Variants in NEDD4L observed in about 807,000 individuals in gnomAD.
NEDD4L encodes NEDD4 like E3 ubiquitin protein ligase, also known as E3 ubiquitin-protein ligase NEDD4-like.
In NEDD4L, 54 loss-of-function variants were observed where a neutral mutation model predicts 148.9. The observed-to-expected ratio is 0.36, with a 90% CI of 0.29 to 0.45. The LOEUF (loss-of-function observed/expected upper bound fraction) is 0.45. NEDD4L is among the 20% of genes least tolerant of loss of function. NEDD4L has a pLI of 1.00. For missense variants in NEDD4L, 856 were observed against 1,233.8 expected, an observed-to-expected ratio of 0.69 and a Z score of 4.59; for synonymous variants, 433 against 440.7, an observed-to-expected ratio of 0.98 and a Z score of 0.22.
chr18:58,312,613 A>G (rs532376861), intron 5 of NEDD4L, among the ~76,000 whole-genome samples: 18 of 152,256 alleles, frequency 1.2e-4, no homozygotes, highest in African/African-American at 3.9e-4. Flanking sequence ...CTGTGGCATA[A>G]AGGCACCAGG....
At chr18:58,342,412 C>G (rs2042550903) in intron 15 of NEDD4L, among the ~76,000 whole-genome samples, 1 of 152,200 alleles carries the variant, frequency 6.6e-6, no homozygotes, top group Admixed American at 6.5e-5. Context: ...GTGGGCTTCT[C>G]CACGCCCTGG....
At chr18:58,139,819 A>T (rs61088244) in intron 1 of NEDD4L, among the ~76,000 whole-genome samples, 61,714 of 151,752 alleles carry the variant, frequency 0.41, 12,867 homozygotes, top group East Asian at 0.53. Flanking sequence ...CTAAAAGGGG[A>T]GGGTGGCTAC....
chr18:58,378,805 G>T (rs9963986), intron 24 of NEDD4L, among the ~76,000 whole-genome samples: 47,808 of 152,052 alleles, frequency 0.31, 8,236 homozygotes, highest in African/African-American at 0.45. Flanking sequence ...TTCCATATGA[G>T]CCAAGCTGTT....
At chr18:58,255,149 C>T (rs1299584896) in intron 5 of NEDD4L, among the ~76,000 whole-genome samples, 1 of 152,074 alleles carries the variant, frequency 6.6e-6, no homozygotes, top group Non-Finnish European at 1.5e-5. Flanking sequence ...TGCTGTGCTC[C>T]GTTGGGAAAG....
rs147052974 is a variant in NEDD4L at position 58,288,565 on chromosome 18, T to C, written c.298-27417T>C. Among the ~76,000 whole-genome samples the C allele has an allele frequency of 2.1e-3, 313 of 152,334 alleles. 5 individuals carry two copies. In the East Asian group the frequency reaches 0.043, roughly 21 times the overall value. On this transcript the variant is annotated intron_variant, in intron 5 of 30. Coordinates refer to ENST00000400345, the MANE Select transcript of NEDD4L (RefSeq NM_001144967.3). ...ATTTTATAGTTTAATATTGTTGTTG[T>C]TTTAACTAAAATCTTTGGTTTGCTA...
chr18:58,315,558 A>G (rs1332231652), intron 5 of NEDD4L, among the ~76,000 whole-genome samples: 2 of 152,126 alleles, frequency 1.3e-5, no homozygotes, highest in African/African-American at 4.8e-5. Flanking sequence ...ACTAGGCCAT[A>G]TACTTTTTCC....
chr18:58,086,170 A>G (rs2083747904), intron 1 of NEDD4L, among the ~76,000 whole-genome samples: 1 of 152,200 alleles, frequency 6.6e-6, no homozygotes, highest in Admixed American at 6.5e-5. Flanking sequence ...TGTCATCCAG[A>G]TCTTTTGCCA....
intron 2 of NEDD4L, among the ~76,000 whole-genome samples, chr18:58,242,891 C>A (rs879338524): frequency 6.6e-6 from 1 of 152,218 alleles, no homozygotes; most frequent in Non-Finnish European, 1.5e-5. Flanking sequence ...GCTGAACTCT[C>A]TTTCAGGGAG....
At chr18:58,086,829 A>G (rs1201372421) in intron 1 of NEDD4L, among the ~76,000 whole-genome samples, 6 of 152,238 alleles carry the variant, frequency 3.9e-5, no homozygotes, top group Non-Finnish European at 8.8e-5. Context: ...ATAAGCATTC[A>G]TTGTGTCACA....
chr18:58,178,735 A>G (rs2038464265), intron 2 of NEDD4L, among the ~76,000 whole-genome samples: 1 of 152,236 alleles, frequency 6.6e-6, no homozygotes, highest in Non-Finnish European at 1.5e-5. Flanking sequence ...CTGGCATAGG[A>G]ATGTGTAGTA....
At chr18:58,261,114 C>A (rs1408695434) in intron 5 of NEDD4L, among the ~76,000 whole-genome samples, 1 of 152,200 alleles carries the variant, frequency 6.6e-6, no homozygotes, top group Non-Finnish European at 1.5e-5. Flanking sequence ...GCATTTATGG[C>A]ATACCTGGAA....
intron 1 of NEDD4L, among the ~76,000 whole-genome samples, chr18:58,131,506 G>T (rs1024122176): frequency 2.0e-5 from 3 of 151,854 alleles, no homozygotes; most frequent in Non-Finnish European, 4.4e-5. Flanking sequence ...AACTGTGGTG[G>T]TGTTGGGCTC....
chr18:58,075,795 G>T (rs751204920), intron 1 of NEDD4L, among the ~76,000 whole-genome samples: 6 of 152,062 alleles, frequency 3.9e-5, no homozygotes, highest in Non-Finnish European at 7.4e-5. Flanking sequence ...GCTGGTGGTG[G>T]TGGTGTGCAC....
At chr18:58,124,169 G>T (rs571459192) in intron 1 of NEDD4L, among the ~76,000 whole-genome samples, 2 of 152,204 alleles carry the variant, frequency 1.3e-5, no homozygotes, top group South Asian at 4.1e-4. Flanking sequence ...CCAATGACCG[G>T]GTGACAAGCT....
At chr18:58,377,664 G>A (rs534873664) in intron 24 of NEDD4L, among the ~76,000 whole-genome samples, 6 of 152,160 alleles carry the variant, frequency 3.9e-5, no homozygotes, top group Non-Finnish European at 5.9e-5. Flanking sequence ...CCGGGAGGAG[G>A]GGCCCTTTTA....
At chr18:58,184,881 TGG>T (rs1305399242) in intron 2 of NEDD4L, among the ~76,000 whole-genome samples, 4 of 151,358 alleles carry the variant, frequency 2.6e-5, no homozygotes, top group Admixed American at 6.6e-5. Context: ...GGAGCCGAGA[TGG>T]CACCACTGCA....
chr18:58,152,158 C>T (rs992626982), intron 1 of NEDD4L, among the ~76,000 whole-genome samples: 1 of 151,964 alleles, frequency 6.6e-6, no homozygotes, highest in African/African-American at 2.4e-5. Flanking sequence ...GATGAAAACA[C>T]CCTGTACTGT....
intron 5 of NEDD4L, among the ~76,000 whole-genome samples, chr18:58,282,326 A>G (rs921608941): frequency 6.6e-6 from 1 of 152,076 alleles, no homozygotes; most frequent in Non-Finnish European, 1.5e-5. Context: ...CTTTCTAGAA[A>G]GGGAGGGATC....
rs1259536460 is a variant in NEDD4L at position 58,335,458 on chromosome 18, A to G, written c.1066-20A>G. ...GTCATCCCCTAAGTGCATTTCACTG[A>G]TGTAAATTATCATTCACAGCCCAGT... is the stretch of plus-strand genomic sequence containing the variant. On this transcript the variant is annotated intron_variant, in intron 12 of 30. Coordinates refer to ENST00000400345, the MANE Select transcript of NEDD4L (RefSeq NM_001144967.3). 1.2e-6 allele frequency: 2 copies of G among 1,606,238 alleles called. No individual in the cohort carries two copies. The highest frequency in any genetic ancestry group is 3.3e-5 in the Admixed American group (2 of 59,998).
Sources: allele counts gnomAD v4.1 joint callset (sites outside exome capture counted in the v4.1 genomes callset), GRCh38; gene constraint gnomAD v4.1.1; transcripts MANE v1.5; gene names NCBI Gene and HGNC (gene_info 2026-07-23, HGNC 2026-07-21).